The following SVEP1 variants were observed in gnomAD, a reference collection of about 807,000 sequenced individuals.
SVEP1 encodes the protein sushi, von Willebrand factor type A, EGF and pentraxin domain-containing protein 1.
Under a neutral mutation model 367.3 loss-of-function variants are expected in SVEP1, and 164 were observed. The ratio of observed to expected loss-of-function variants is 0.45; its 90% CI spans 0.39 to 0.51. The LOEUF (loss-of-function observed/expected upper bound fraction) is 0.51. Ranked by LOEUF, SVEP1 falls within the 20% of genes least tolerant of loss-of-function variation. The pLI is 0.00. For missense variants in SVEP1, 4,117 were observed against 4,425.3 expected (o/e 0.93, Z 1.98); for synonymous variants, 1,666 against 1,611.6 (o/e 1.03, Z -0.81).
rs1828581409 is a variant in SVEP1 at position 110,445,690 on chromosome 9, G to A, written c.4463+147C>T. ...AAAAATTTACGTTCTTAAAGAACTT[G>A]TTCAGATGCTCCATTTGATTATTGA... On this transcript the variant is annotated intron_variant, in intron 26 of 47. Transcript: ENST00000374469. 3.7e-6 allele frequency: 3 copies of A among 810,624 alleles called. No individual in the cohort carries two copies. In the East Asian group the frequency reaches 7.6e-5, roughly 21 times the overall value. 50.2% of individuals were successfully genotyped at this position (810,624 alleles called of 1,614,324 possible).
chr9:110,475,480 T>C (rs950233657), intron 14 of SVEP1, among the ~76,000 whole-genome samples: 10 of 152,240 alleles, frequency 6.6e-5, no homozygotes, highest in Non-Finnish European at 1.0e-4. Context: ...TAGTTGGTTG[T>C]AGAGTCCACG....
intron 8 of SVEP1, among the ~76,000 whole-genome samples, chr9:110,493,283 T>G (rs1829398064): frequency 6.6e-6 from 1 of 152,054 alleles, no homozygotes; most frequent in Non-Finnish European, 1.5e-5. Flanking sequence ...AGATAATTTT[T>G]TTTTTGCTTC....
Position 110,408,034 on chromosome 9 carries a change from G to A in SVEP1, c.7566C>T (p.Tyr2522=), listed in dbSNP as rs747375623. 1.9e-6 allele frequency: 3 copies of A among 1,614,028 alleles called. No individual in the cohort carries two copies. Among genetic ancestry groups the A allele is most frequent in the Non-Finnish European group, 2.5e-6 (3 of 1,179,898 alleles). Residue 2522 remains tyrosine (Y), a synonymous_variant, in exon 38 of 48, where the codon TAC becomes TAT. Transcript: ENST00000374469. ...TDLHYGQTVT[Y]SCNRGFRLEG... ...CGAGCCGAAAGCCTCGGTTGCAAGAGTAGGTAACGGTCTGTCCATAGTGTA... is the reference window on the plus strand; with the variant it reads ...CGAGCCGAAAGCCTCGGTTGCAAGAATAGGTAACGGTCTGTCCATAGTGTA...
intron 9 of SVEP1, 27 bp downstream of exon 9, chr9:110,489,623 G>A: frequency 6.3e-7 from 1 of 1,594,708 alleles, no homozygotes; most frequent in Non-Finnish European, 8.5e-7. Context: ...CGTTTGGATG[G>A]GGAAACAACC....
At chr9:110,517,529 C>T (rs1302035591) in intron 3 of SVEP1, among the ~76,000 whole-genome samples, 7 of 147,848 alleles carry the variant, frequency 4.7e-5, no homozygotes, top group East Asian at 2.0e-4. Flanking sequence ...ACTCGGGAAG[C>T]GGAGGTTGCA....
chr9:110,391,840 T>C lies in SVEP1; in HGVS notation c.9823-2253A>G, dbSNP rs186570675. On this transcript the variant is annotated intron_variant, in intron 40 of 47. Transcript: ENST00000374469. ...GATTAGCATTTAAATTAGTAGATCA[T>C]GTAAAGTAGATTGCCCTCGCCAATG... Among the ~76,000 whole-genome samples the C allele has an allele frequency of 3.4e-4, 52 of 152,162 alleles. 1 individual carries two copies. Among genetic ancestry groups the C allele is most frequent in the African/African-American group, 1.0e-3 (42 of 41,518 alleles).
intron 5 of SVEP1, among the ~76,000 whole-genome samples, chr9:110,508,760 C>CAAAA (rs11316319): frequency 6.8e-3 from 516 of 76,342 alleles, no homozygotes; most frequent in East Asian, 0.012. Flanking sequence ...GACTCCATCT[C>CAAAA]AAAAAAAAAA....
At position 110,450,146 on chromosome 9, in the gene SVEP1, C is replaced by T. The variant is rs2118609125; in HGVS notation, c.4016G>A (p.Gly1339Asp). 1.2e-6 allele frequency: 2 copies of T among 1,613,886 alleles called. No individual in the cohort carries two copies. The highest frequency in any genetic ancestry group is 8.5e-7 in the Non-Finnish European group (1 of 1,179,836). Reference protein sequence around the residue: ...FLCKCPPGFLGTRCGKNVDEC... With the variant: ...FLCKCPPGFLDTRCGKNVDEC... Reference sequence around the variant, plus strand: ...ATCGACGTTCTTTCCACATCGGGTACCCAAAAATCCAGGTGGGCATTTGCA... The same window carrying T: ...ATCGACGTTCTTTCCACATCGGGTATCCAAAAATCCAGGTGGGCATTTGCA... The change falls in exon 24 of 48, where the codon GGT becomes GAT. Residue 1339 changes from glycine (G) to aspartate (D), a missense_variant. Transcript: ENST00000374469.
Position 110,451,769 on chromosome 9 carries a change from A to C in SVEP1, c.3788-367T>G, listed in dbSNP as rs1466637672. ...TGGTAACAGTTACAGCATTACAGTT[A>C]CAAAGTTGGCAAAAATTATGGGAGA... On this transcript the variant is annotated intron_variant, in intron 22 of 47. Coordinates refer to ENST00000374469, the MANE Select transcript of SVEP1 (RefSeq NM_153366.4). Among the ~76,000 whole-genome samples, 5 of 152,308 alleles carry C rather than the reference A, an allele frequency of 3.3e-5. No homozygotes were observed. The East Asian group carries it at 9.6e-4, about 29-fold the overall frequency.
intron 3 of SVEP1, among the ~76,000 whole-genome samples, chr9:110,543,416 G>T (rs562116333): frequency 6.6e-6 from 1 of 152,292 alleles, no homozygotes; most frequent in African/African-American, 2.4e-5. Context: ...AGAACCAACA[G>T]CAGAAGTGCT....
chr9:110,495,387 C>T (rs891948926), intron 8 of SVEP1, among the ~76,000 whole-genome samples: 1 of 152,056 alleles, frequency 6.6e-6, no homozygotes, highest in African/African-American at 2.4e-5. Flanking sequence ...AATGTAATCT[C>T]AAGGGTCCTT....
chr9:110,499,088 G>T lies in SVEP1; in HGVS notation c.1634C>A (p.Thr545Asn). ...LSGVKEMLRCTTSGKWNVGVQ... is the reference protein window; with the variant it reads ...LSGVKEMLRCNTSGKWNVGVQ... ...TCCGACATTCCATTTTCCAGAAGTG[G>T]TACATCTCAGCATTTCTTTGACTCC... Residue 545 changes from threonine to asparagine, a missense_variant, in exon 7 of 48, where the codon ACC becomes AAC. Physicochemically the swap from Thr to Asn is moderately conservative, Grantham distance 65. Transcript: ENST00000374469. 6.2e-7 allele frequency: 1 copy of T among 1,613,662 alleles called. No homozygotes were observed. The highest frequency in any genetic ancestry group is 8.5e-7 in the Non-Finnish European group (1 of 1,179,790).
intron 27 of SVEP1, among the ~76,000 whole-genome samples, chr9:110,439,107 T>C (rs959202321): frequency 2.0e-5 from 3 of 152,200 alleles, no homozygotes; most frequent in African/African-American, 7.2e-5. Flanking sequence ...CAAATTTATA[T>C]GTTGAAGCCC....
At chr9:110,398,681 A>G (rs1827808118) in intron 40 of SVEP1, among the ~76,000 whole-genome samples, 1 of 152,250 alleles carries the variant, frequency 6.6e-6, no homozygotes, top group African/African-American at 2.4e-5. Context: ...AAGTGGGAGA[A>G]GGATATGAAC....
intron 41 of SVEP1, among the ~76,000 whole-genome samples, chr9:110,388,862 G>A (rs1473600430): frequency 4.0e-5 from 6 of 151,848 alleles, no homozygotes; most frequent in South Asian, 2.1e-4. Flanking sequence ...CCAGCTACTC[G>A]GGAGGCTGAG....
rs1264785312 is a variant in SVEP1, at chr9:110,434,409, G to A, written c.4986C>T (p.Phe1662=). The change falls in exon 30 of 48, where the codon TTC becomes TTT. Residue 1662 remains phenylalanine, a synonymous_variant. Transcript: ENST00000374469. ...SKVNLFCDPG[F]QLVGNPVQYC... ...ACTGCACAGGGTTCCCGACCAGCTGGAAGCCTGGATCACAGAACAGATTGA... is the reference window on the plus strand; with the variant it reads ...ACTGCACAGGGTTCCCGACCAGCTGAAAGCCTGGATCACAGAACAGATTGA... 2.5e-6 allele frequency: 4 copies of A among 1,613,332 alleles called. 1 individual carries two copies. In the Admixed American group the frequency reaches 6.7e-5, roughly 27 times the overall value.
At position 110,494,281 on chromosome 9, in the gene SVEP1, G is replaced by A. The variant is rs9969834; in HGVS notation, c.1800+2534C>T. Among the ~76,000 whole-genome samples, 721 of 152,292 alleles carry A rather than the reference G, an allele frequency of 4.7e-3. 3 individuals are homozygous for A. The highest frequency in any genetic ancestry group is 0.017 in the African/African-American group (690 of 41,560). ...GACAGAGACGGGGAGGCATAGAAGG[G>A]GGAAAATAGCATCAATTGCTCCTCT... On this transcript the variant is annotated intron_variant, in intron 8 of 47. Transcript: ENST00000374469.
Position 110,542,741 on chromosome 9 carries a change from A to C in SVEP1, c.964+3374T>G, listed in dbSNP as rs544010808. Among the ~76,000 whole-genome samples the C allele has an allele frequency of 2.1e-5, 3 of 143,144 alleles. No homozygotes were observed. The East Asian group carries it at 6.2e-4, about 30-fold the overall frequency. The allele number at this position is 143,144 out of a possible 152,430, so 93.9% of individuals were successfully genotyped here. ...GGTGTGGAGAACATCCTCAACATTT[A>C]TTTACCAAATGGATTTTAAAGGGGC... is the stretch of plus-strand genomic sequence containing the variant. On this transcript the variant is annotated intron_variant, in intron 3 of 47. Coordinates refer to ENST00000374469, the MANE Select transcript of SVEP1 (RefSeq NM_153366.4).
rs187743115 is a variant in SVEP1 at position 110,461,870 on chromosome 9, G to A, written c.3323-2757C>T. 7.7e-4 allele frequency among the ~76,000 whole-genome samples: 117 copies of A among 152,182 alleles called. 1 individual carries two copies. The highest frequency in any genetic ancestry group is 2.5e-3 in the African/African-American group (102 of 41,536). ...CTAAGAACAAGCTAATTTACTCTTT[G>A]ATTGATAGATCTCAGAGTGCTAGGT... On this transcript the variant is annotated intron_variant, in intron 18 of 47. Coordinates refer to ENST00000374469, the MANE Select transcript of SVEP1 (RefSeq NM_153366.4).
Sources: gnomAD v4.1 joint callset for allele counts (sites outside exome capture counted in the v4.1 genomes callset) on GRCh38, gnomAD v4.1.1 for gene constraint, MANE v1.5 for transcripts, NCBI Gene and HGNC (gene_info 2026-07-23, HGNC 2026-07-21) for gene names.